Variants in XKR6 observed in about 807,000 individuals in gnomAD.
XKR6 encodes XK related 6.
Under a neutral mutation model 56.7 loss-of-function variants are expected in XKR6, and 22 were observed. The ratio of observed to expected loss-of-function variants is 0.39; its 90% CI spans 0.28 to 0.55. The LOEUF (loss-of-function observed/expected upper bound fraction) is 0.55. XKR6 is among the 20% of genes least tolerant of loss of function. The probability of loss-of-function intolerance (pLI) is 0.66; values close to 1 mark genes in which losing one functional copy is unlikely to be tolerated. For synonymous variants in XKR6, 524 were observed against 387.8 expected (o/e 1.35, Z -4.13); for missense variants, 852 against 889.0 (o/e 0.96, Z 0.53).
chr8:11,110,534 G>C (rs1028932735), intron 1 of XKR6, among the ~76,000 whole-genome samples: 1 of 152,072 alleles, frequency 6.6e-6, no homozygotes, highest in East Asian at 1.9e-4. Flanking sequence ...CTATAGTTCC[G>C]TGCATTCTCT....
At chr8:11,077,934 C>G (rs1800318068) in intron 1 of XKR6, among the ~76,000 whole-genome samples, 1 of 152,150 alleles carries the variant, frequency 6.6e-6, no homozygotes, top group Non-Finnish European at 1.5e-5. Context: ...TCTACCTGCA[C>G]TGGCCGCCGG....
chr8:10,950,177 C>T (rs1801675309), intron 1 of XKR6, among the ~76,000 whole-genome samples: 2 of 152,104 alleles, frequency 1.3e-5, no homozygotes. Context: ...GGGTGGGACT[C>T]CACCCTGTCG....
chr8:11,097,145 G>GTC (rs1453660955), intron 1 of XKR6, among the ~76,000 whole-genome samples: 2 of 152,198 alleles, frequency 1.3e-5, no homozygotes. Context: ...GACATGGCAA[G>GTC]GCTAAGAACT....
rs192486223 is a variant in XKR6 at position 11,040,333 on chromosome 8, G to A, written c.765-115503C>T. ...GCCCAGGAATTTGAGACCAGCCGGG[G>A]CAACATAAGCAGATCTCATGTCTGC... On this transcript the variant is annotated intron_variant, in intron 1 of 2. Coordinates refer to ENST00000416569, the MANE Select transcript of XKR6 (RefSeq NM_173683.4). 2.6e-3 allele frequency among the ~76,000 whole-genome samples: 386 copies of A among 148,596 alleles called. 3 individuals carry two copies. Among genetic ancestry groups the A allele is most frequent in the African/African-American group, 9.3e-3 (369 of 39,746 alleles).
At chr8:11,009,376 T>C (rs1798449028) in intron 1 of XKR6, among the ~76,000 whole-genome samples, 1 of 152,008 alleles carries the variant, frequency 6.6e-6, no homozygotes, top group African/African-American at 2.4e-5. Flanking sequence ...TCAGACATGG[T>C]GGTGTGTGCC....
intron 1 of XKR6, among the ~76,000 whole-genome samples, chr8:11,005,466 A>G (rs1798345581): frequency 6.6e-6 from 1 of 152,118 alleles, no homozygotes; most frequent in Non-Finnish European, 1.5e-5. Flanking sequence ...GGGAAGATGA[A>G]AATGTTCTGG....
chr8:11,173,205 G>T (rs146185865), intron 1 of XKR6, among the ~76,000 whole-genome samples: 2,587 of 151,400 alleles, frequency 0.017, 27 homozygotes, highest in Non-Finnish European at 0.027. Context: ...TTAGCCGGGC[G>T]TGGTGGCGGG....
chr8:11,135,820 T>C (rs575563096), intron 1 of XKR6, among the ~76,000 whole-genome samples: 3 of 150,068 alleles, frequency 2.0e-5, no homozygotes, highest in Non-Finnish European at 1.5e-5. Flanking sequence ...TAAAAAAGAA[T>C]AAAAGGAAGG....
intron 1 of XKR6, among the ~76,000 whole-genome samples, chr8:11,119,304 T>A (rs1263796289): frequency 1.3e-5 from 2 of 152,060 alleles, no homozygotes; most frequent in South Asian, 4.2e-4. Context: ...GGGTGGAGAG[T>A]TCTGTAGATG....
chr8:11,138,804 A>G (rs959043342), intron 1 of XKR6, among the ~76,000 whole-genome samples: 1 of 152,182 alleles, frequency 6.6e-6, no homozygotes, highest in Non-Finnish European at 1.5e-5. Context: ...AAAATGACTA[A>G]TTTTATTTGA....
intron 1 of XKR6, among the ~76,000 whole-genome samples, chr8:11,098,357 A>T (rs1236001402): frequency 6.6e-6 from 1 of 152,026 alleles, no homozygotes; most frequent in Non-Finnish European, 1.5e-5. Flanking sequence ...TATTTCTAAG[A>T]GCTGGTACGT....
At chr8:10,975,478 G>T (rs1802527868) in intron 1 of XKR6, among the ~76,000 whole-genome samples, 1 of 152,246 alleles carries the variant, frequency 6.6e-6, no homozygotes, top group African/African-American at 2.4e-5. Context: ...CCACGTGCTT[G>T]CCCACTGCGA....
intron 2 of XKR6, among the ~76,000 whole-genome samples, chr8:10,913,738 T>A (rs1355543334): frequency 6.6e-6 from 1 of 152,128 alleles, no homozygotes; most frequent in Non-Finnish European, 1.5e-5. Context: ...CTTCACGTGG[T>A]GTTCAAGGGA....
intron 1 of XKR6, among the ~76,000 whole-genome samples, chr8:11,022,279 G>A (rs147622812): frequency 1.6e-4 from 25 of 152,174 alleles, no homozygotes; most frequent in African/African-American, 5.5e-4. Context: ...CCCTGGGAAA[G>A]GTGCATGGGC....
intron 1 of XKR6, among the ~76,000 whole-genome samples, chr8:10,969,787 A>G (rs1249718420): frequency 1.3e-5 from 2 of 152,356 alleles, no homozygotes; most frequent in East Asian, 1.9e-4. Context: ...GCCACAGTAT[A>G]TGGAAGAAGC....
At chr8:10,976,601 G>A (rs1489891198) in intron 1 of XKR6, among the ~76,000 whole-genome samples, 1 of 152,188 alleles carries the variant, frequency 6.6e-6, no homozygotes, top group African/African-American at 2.4e-5. Context: ...GGTCACAGGA[G>A]GGTGAGAAAG....
chr8:11,041,891 A>G (rs1367432914), intron 1 of XKR6, among the ~76,000 whole-genome samples: 1 of 152,250 alleles, frequency 6.6e-6, no homozygotes, highest in Admixed American at 6.5e-5. Context: ...ACACATACAT[A>G]TATAAACACA....
At chr8:11,043,507 G>A (rs10092677) in intron 1 of XKR6, among the ~76,000 whole-genome samples, 5,106 of 152,232 alleles carry the variant, frequency 0.034, 281 homozygotes, top group African/African-American at 0.12. Context: ...TTTGTTTTAC[G>A]TCCCCTGAGC....
At chr8:11,121,864 G>T (rs1483187297) in intron 1 of XKR6, among the ~76,000 whole-genome samples, 1 of 152,180 alleles carries the variant, frequency 6.6e-6, no homozygotes, top group Non-Finnish European at 1.5e-5. Flanking sequence ...CATAAAAAAT[G>T]ATGAGTTCAT....
Sources: allele counts gnomAD v4.1 joint callset (sites outside exome capture counted in the v4.1 genomes callset), GRCh38; gene constraint gnomAD v4.1.1; transcripts MANE v1.5; gene names NCBI Gene and HGNC (gene_info 2026-07-23, HGNC 2026-07-21).